The following HDAC4 variants were observed in gnomAD, a reference collection of about 807,000 sequenced individuals.
The protein encoded by HDAC4 is histone deacetylase 4, also known as histone deacetylase A.
Under a neutral mutation model 135.1 loss-of-function variants are expected in HDAC4, and 16 were observed. The ratio of observed to expected loss-of-function variants is 0.12; its 90% CI spans 0.08 to 0.18. HDAC4 has a LOEUF of 0.18. Among genes scored for constraint, HDAC4 ranks in the 10% least tolerant of loss-of-function variants. The probability of loss-of-function intolerance (pLI) is 1.00; values close to 1 mark genes in which losing one functional copy is unlikely to be tolerated. For synonymous variants in HDAC4, 685 were observed against 653.4 expected, an observed-to-expected ratio of 1.05 and a Z score of -0.74; for missense variants, 1,143 against 1,511.8, an observed-to-expected ratio of 0.76 and a Z score of 4.05.
chr2:239,054,927 A>G, intron 24 of HDAC4, 94 bp from the exon 25 acceptor site: 1 of 899,734 alleles, frequency 1.1e-6, no homozygotes, highest in Non-Finnish European at 1.9e-6. Flanking sequence ...TCCTGAGCAC[A>G]GAGACCCTTG....
chr2:239,315,458 G>A (rs1030004967), intron 2 of HDAC4, among the ~76,000 whole-genome samples: 8 of 152,156 alleles, frequency 5.3e-5, no homozygotes, highest in South Asian at 2.1e-4. Flanking sequence ...GCCGATGCAC[G>A]AGCGCTAGAG....
At chr2:239,346,711 CAT>C (rs1257520787) in intron 2 of HDAC4, among the ~76,000 whole-genome samples, 1 of 150,566 alleles carries the variant, frequency 6.6e-6, no homozygotes, top group Non-Finnish European at 1.5e-5. Context: ...CTAACACACA[CAT>C]ACCCTAACAC....
chr2:239,062,618 C>CCA (rs1387019198), intron 24 of HDAC4, among the ~76,000 whole-genome samples: 1 of 152,224 alleles, frequency 6.6e-6, no homozygotes, highest in Non-Finnish European at 1.5e-5. Context: ...GCCAGAAGAA[C>CCA]CATAAGGCTT....
intron 16 of HDAC4, among the ~76,000 whole-genome samples, chr2:239,101,283 C>T (rs952683826): frequency 3.3e-5 from 5 of 152,240 alleles, no homozygotes; most frequent in Admixed American, 3.3e-4. Flanking sequence ...CGTGTCCTCA[C>T]AGCCCTACTG....
intron 11 of HDAC4, among the ~76,000 whole-genome samples, chr2:239,130,947 TCTGCACAGACA>T (rs1406802184): frequency 6.6e-6 from 1 of 152,208 alleles, no homozygotes; most frequent in Non-Finnish European, 1.5e-5. Flanking sequence ...AGCACAGGGC[TCTGCACAGACA>T]CTTTCCTTCT....
At chr2:239,318,133 G>T (rs2053181016) in intron 2 of HDAC4, among the ~76,000 whole-genome samples, 1 of 152,128 alleles carries the variant, frequency 6.6e-6, no homozygotes, top group Non-Finnish European at 1.5e-5. Flanking sequence ...GGAGTAGCAG[G>T]CTGTCTGCAC....
intron 3 of HDAC4, among the ~76,000 whole-genome samples, chr2:239,198,744 C>G (rs1013436709): frequency 2.0e-5 from 3 of 152,206 alleles, no homozygotes; most frequent in Non-Finnish European, 4.4e-5. Context: ...TTCTCCCCAT[C>G]TTTGTGAGCT....
intron 3 of HDAC4, among the ~76,000 whole-genome samples, chr2:239,226,167 G>GA (rs2047229365): frequency 6.6e-6 from 1 of 151,906 alleles, no homozygotes. Context: ...GGTAATAAAA[G>GA]AAAAAAGATA....
At chr2:239,291,837 CCCAGCTAG>C (rs1175795518) in intron 2 of HDAC4, among the ~76,000 whole-genome samples, 1 of 152,172 alleles carries the variant, frequency 6.6e-6, no homozygotes, top group South Asian at 2.1e-4. Flanking sequence ...GCTCAAGAGT[CCCAGCTAG>C]CTGGGCCTTC....
At chr2:239,199,626 C>T (rs1559216453) in intron 3 of HDAC4, among the ~76,000 whole-genome samples, 1 of 152,198 alleles carries the variant, frequency 6.6e-6, no homozygotes, top group Non-Finnish European at 1.5e-5. Context: ...CTGTCCTTGA[C>T]GAGCAGGAGC....
chr2:239,301,170 C>A (rs1468072111), intron 2 of HDAC4, among the ~76,000 whole-genome samples: 3 of 152,250 alleles, frequency 2.0e-5, no homozygotes, highest in Admixed American at 2.0e-4. Context: ...CGGGCACCAC[C>A]CCCTTACTCA....
intron 1 of HDAC4, among the ~76,000 whole-genome samples, chr2:239,397,551 G>A (rs535945818): frequency 6.8e-4 from 103 of 152,290 alleles, no homozygotes; most frequent in Admixed American, 2.1e-3. Context: ...ACAGCAAGGG[G>A]ACATGTAGGA....
chr2:239,107,384 G>A (rs1380051507), intron 15 of HDAC4, among the ~76,000 whole-genome samples: 2 of 152,192 alleles, frequency 1.3e-5, no homozygotes, highest in African/African-American at 2.4e-5. Flanking sequence ...ATCGCCTGGC[G>A]GCCAGGGAAA....
chr2:239,387,812 G>A (rs1405105478), intron 1 of HDAC4, among the ~76,000 whole-genome samples: 8 of 152,096 alleles, frequency 5.3e-5, no homozygotes, highest in East Asian at 1.9e-4. Flanking sequence ...ACAAGAGTGC[G>A]CCCCTGGAGG....
In HDAC4 at chr2:239,167,242, C is replaced by A. The variant is rs1314825744; in HGVS notation, c.491-3319G>T. Among the ~76,000 whole-genome samples, 1 of 152,196 alleles carries A rather than the reference C, an allele frequency of 6.6e-6. No homozygotes were observed. Among genetic ancestry groups the A allele is most frequent in the African/African-American group, 2.4e-5 (1 of 41,460 alleles). On this transcript the variant is annotated intron_variant, in intron 5 of 26. Coordinates refer to ENST00000543185, the MANE Select transcript of HDAC4 (RefSeq NM_001378414.1). The surrounding 1 kb of genome is among the most constrained non-coding windows in gnomAD (Gnocchi z 4.1). The stretch of plus-strand genomic sequence containing the variant: ...ACAGCTGTTACTGTGGATCCACTGG[C>A]CCTCCACGGGGGAGGGTGCGCACTC...
intron 16 of HDAC4, among the ~76,000 whole-genome samples, chr2:239,096,440 C>T (rs1193901370): frequency 4.2e-5 from 6 of 142,430 alleles, no homozygotes; most frequent in Admixed American, 4.2e-4. Context: ...ACTGCACCCC[C>T]ATCACCCCAC....
intron 11 of HDAC4, among the ~76,000 whole-genome samples, chr2:239,130,173 T>C (rs2040470750): frequency 6.6e-6 from 1 of 152,150 alleles, no homozygotes; most frequent in Non-Finnish European, 1.5e-5. Flanking sequence ...AAGGGAACAA[T>C]GTGGGTGCTC....
At chr2:239,327,785 G>C (rs2053513512) in intron 2 of HDAC4, among the ~76,000 whole-genome samples, 1 of 152,186 alleles carries the variant, frequency 6.6e-6, no homozygotes, top group Non-Finnish European at 1.5e-5. Context: ...AGCAAGCCTA[G>C]AGACACCCTG....
intron 2 of HDAC4, among the ~76,000 whole-genome samples, chr2:239,237,991 G>A (rs908133334): frequency 6.6e-6 from 1 of 152,120 alleles, no homozygotes; most frequent in African/African-American, 2.4e-5. Flanking sequence ...AGACCGGCAG[G>A]TCATAGTTAC....
Sources: gnomAD v4.1 joint callset for allele counts (sites outside exome capture counted in the v4.1 genomes callset) on GRCh38, gnomAD v4.1.1 for gene constraint, Gnocchi (gnomAD v3.1) non-coding constraint, MANE v1.5 for transcripts, NCBI Gene and HGNC (gene_info 2026-07-23, HGNC 2026-07-21) for gene names.